The following ZDHHC14 variants were observed in gnomAD, a reference collection of about 807,000 sequenced individuals.
ZDHHC14 encodes palmitoyltransferase ZDHHC14.
In ZDHHC14, 16 loss-of-function variants were observed where a neutral mutation model predicts 47.7. The ratio of observed to expected loss-of-function variants is 0.34; its 90% CI spans 0.23 to 0.51. ZDHHC14 has a LOEUF of 0.51. ZDHHC14 is among the 20% of genes least tolerant of loss of function. ZDHHC14 has a pLI of 0.97. For synonymous variants in ZDHHC14, 293 were observed against 278.9 expected (o/e 1.05, Z -0.50); for missense variants, 515 against 662.5 (o/e 0.78, Z 2.44).
intron 5 of ZDHHC14, among the ~76,000 whole-genome samples, chr6:157,635,467 C>T (rs957048783): frequency 6.6e-6 from 1 of 152,212 alleles, no homozygotes; most frequent in African/African-American, 2.4e-5. Context: ...ATTTCTTAAC[C>T]CTTTTGTGTC....
intron 1 of ZDHHC14, among the ~76,000 whole-genome samples, chr6:157,433,929 G>A (rs1413613442): frequency 6.6e-6 from 1 of 152,132 alleles, no homozygotes; most frequent in Admixed American, 6.5e-5. Context: ...AGGAACAAGA[G>A]AGCCACCCTC....
At chr6:157,413,515 C>A (rs1777911401) in intron 1 of ZDHHC14, among the ~76,000 whole-genome samples, 1 of 152,026 alleles carries the variant, frequency 6.6e-6, no homozygotes, top group African/African-American at 2.4e-5. Context: ...CCTGAAATAG[C>A]AGATAATTCT....
chr6:157,614,082 C>T (rs1784857049), intron 3 of ZDHHC14, among the ~76,000 whole-genome samples: 1 of 152,016 alleles, frequency 6.6e-6, no homozygotes, highest in African/African-American at 2.4e-5. Context: ...TCTTGGCAAG[C>T]CCCCCCACCG....
At chr6:157,429,436 T>A (rs941726435) in intron 1 of ZDHHC14, among the ~76,000 whole-genome samples, 1 of 152,188 alleles carries the variant, frequency 6.6e-6, no homozygotes, top group African/African-American at 2.4e-5. Context: ...CTGCCCTAGA[T>A]GGATGGTAAG....
At chr6:157,637,661 G>GA (rs1165708308) in intron 5 of ZDHHC14, among the ~76,000 whole-genome samples, 1 of 152,156 alleles carries the variant, frequency 6.6e-6, no homozygotes, top group East Asian at 1.9e-4. Context: ...GAGTCTAGAG[G>GA]AACCTCTGCA....
chr6:157,642,400 A>C (rs944470263), intron 5 of ZDHHC14, among the ~76,000 whole-genome samples: 55 of 152,220 alleles, frequency 3.6e-4, no homozygotes, highest in African/African-American at 1.3e-3. Flanking sequence ...AAGGACACAG[A>C]GCCTGCACTT....
At chr6:157,602,201 C>CA (rs67391412) in intron 3 of ZDHHC14, among the ~76,000 whole-genome samples, 36,907 of 126,712 alleles carry the variant, frequency 0.29, 5,450 homozygotes, top group East Asian at 0.53. Context: ...GATTCTGTCT[C>CA]AAAAAAAAAA....
At chr6:157,431,209 T>C (rs1015885850) in intron 1 of ZDHHC14, among the ~76,000 whole-genome samples, 2 of 152,186 alleles carry the variant, frequency 1.3e-5, no homozygotes, top group Non-Finnish European at 2.9e-5. Flanking sequence ...CCGTCCCTAT[T>C]TAGAGATGAT....
intron 1 of ZDHHC14, among the ~76,000 whole-genome samples, chr6:157,527,576 C>T (rs137950938): frequency 0.016 from 2,361 of 152,252 alleles, 64 homozygotes; most frequent in African/African-American, 0.054. Context: ...TCCAGAACTG[C>T]CCAGAGTAAG....
chr6:157,584,831 A>G (rs1431544354), intron 2 of ZDHHC14, among the ~76,000 whole-genome samples: 1 of 152,148 alleles, frequency 6.6e-6, no homozygotes, highest in Non-Finnish European at 1.5e-5. Flanking sequence ...ACGTCCACCA[A>G]TTGGTTGGGG....
intron 8 of ZDHHC14, among the ~76,000 whole-genome samples, chr6:157,671,907 A>G (rs971207954): frequency 1.3e-5 from 2 of 152,204 alleles, no homozygotes; most frequent in African/African-American, 4.8e-5. Context: ...AGTAGTATTA[A>G]GTCCGTTGAT....
At chr6:157,468,081 T>G (rs1779264044) in intron 1 of ZDHHC14, among the ~76,000 whole-genome samples, 1 of 152,100 alleles carries the variant, frequency 6.6e-6, no homozygotes, top group Non-Finnish European at 1.5e-5. Context: ...GAAAAATCAC[T>G]ACTATAAGAA....
chr6:157,592,707 G>A (rs1359263684), intron 2 of ZDHHC14: 4 of 1,169,640 alleles, frequency 3.4e-6, no homozygotes, highest in Non-Finnish European at 4.3e-6. Context: ...AGGAGGAAAA[G>A]GGCGGGGCTC....
chr6:157,609,769 A>G (rs1784682408), intron 3 of ZDHHC14, among the ~76,000 whole-genome samples: 1 of 152,190 alleles, frequency 6.6e-6, no homozygotes, highest in South Asian at 2.1e-4. Context: ...GCCGGTGGAC[A>G]GCAATGGAAT....
intron 1 of ZDHHC14, among the ~76,000 whole-genome samples, chr6:157,535,016 C>T (rs1781493859): frequency 6.6e-6 from 1 of 152,132 alleles, no homozygotes; most frequent in African/African-American, 2.4e-5. Context: ...TGATTTGAAG[C>T]CTGTATTATA....
intron 1 of ZDHHC14, among the ~76,000 whole-genome samples, chr6:157,528,693 C>T (rs747940812): frequency 2.0e-5 from 3 of 151,864 alleles, no homozygotes; most frequent in Non-Finnish European, 2.9e-5. Flanking sequence ...GGTCGCACCA[C>T]TGCACTCCAG....
chr6:157,570,734 GAT>G (rs1047110240), intron 2 of ZDHHC14, among the ~76,000 whole-genome samples: 1 of 151,078 alleles, frequency 6.6e-6, no homozygotes, highest in African/African-American at 2.4e-5. Flanking sequence ...ACTAATTAGT[GAT>G]ATATATATGT....
chr6:157,606,690 G>C (rs1784551549), intron 3 of ZDHHC14, among the ~76,000 whole-genome samples: 1 of 152,188 alleles, frequency 6.6e-6, no homozygotes, highest in African/African-American at 2.4e-5. Flanking sequence ...CAGAAGTGCA[G>C]CTTGGGACCC....
At chr6:157,469,595 G>T (rs1226845620) in intron 1 of ZDHHC14, among the ~76,000 whole-genome samples, 1 of 152,090 alleles carries the variant, frequency 6.6e-6, no homozygotes, top group Admixed American at 6.5e-5. Context: ...GGTCAGCCTG[G>T]GATTCTGCCC....
Sources: gnomAD v4.1 joint callset for allele counts (sites outside exome capture counted in the v4.1 genomes callset) on GRCh38, gnomAD v4.1.1 for gene constraint, MANE v1.5 for transcripts, NCBI Gene and HGNC (gene_info 2026-07-23, HGNC 2026-07-21) for gene names.